The following ALG5 variants were observed in gnomAD, a reference collection of about 807,000 sequenced individuals.
ALG5 encodes the protein ALG5 dolichyl-phosphate beta-glucosyltransferase.
ALG5 carries 26 observed loss-of-function variants against 51.8 expected under a neutral mutation model. That is an observed-to-expected ratio of 0.50 (90% CI 0.37 to 0.70). The LOEUF (loss-of-function observed/expected upper bound fraction) is 0.70. Ranked by LOEUF, ALG5 falls within the 30% of genes least tolerant of loss-of-function variation. ALG5 has a pLI of 0.00. For missense variants in ALG5, 311 were observed against 399.3 expected, an observed-to-expected ratio of 0.78 and a Z score of 1.88; for synonymous variants, 141 against 136.1, an observed-to-expected ratio of 1.04 and a Z score of -0.25.
At chr13:36,979,485 CT>C (rs1309514626) in intron 6 of ALG5, among the ~76,000 whole-genome samples, 5 of 152,168 alleles carry the variant, frequency 3.3e-5, no homozygotes, top group African/African-American at 1.2e-4. Flanking sequence ...CTGTCACATT[CT>C]TTTAAGGAAC....
intron 7 of ALG5, among the ~76,000 whole-genome samples, chr13:36,968,796 C>T (rs904925093): frequency 5.3e-5 from 8 of 152,206 alleles, no homozygotes; most frequent in African/African-American, 1.9e-4. Context: ...AAATGGAAAG[C>T]CATGCTGCAG....
At chr13:36,955,815 T>G (rs1369377824) in intron 8 of ALG5, among the ~76,000 whole-genome samples, 3 of 150,306 alleles carry the variant, frequency 2.0e-5, no homozygotes, top group African/African-American at 4.9e-5. Context: ...GACCCTTATA[T>G]CAAAAAACTA....
At chr13:36,985,058 T>A (rs1265877687) in intron 6 of ALG5, among the ~76,000 whole-genome samples, 4 of 151,804 alleles carry the variant, frequency 2.6e-5, no homozygotes, top group Non-Finnish European at 5.9e-5. Flanking sequence ...CTCTTATTCA[T>A]TTTTTCCAGA....
intron 5 of ALG5, among the ~76,000 whole-genome samples, chr13:36,986,078 C>T (rs914871349): frequency 1.3e-5 from 2 of 152,048 alleles, no homozygotes; most frequent in Non-Finnish European, 2.9e-5. Context: ...ATATGTTTAT[C>T]GTGTCATGAT....
chr13:36,971,305 A>C (rs1221701541), intron 7 of ALG5, among the ~76,000 whole-genome samples: 1 of 152,204 alleles, frequency 6.6e-6, no homozygotes, highest in African/African-American at 2.4e-5. Context: ...AAAGCACTTA[A>C]CTGTGCCAAT....
intron 6 of ALG5, among the ~76,000 whole-genome samples, chr13:36,972,741 G>T (rs537254396): frequency 6.6e-6 from 1 of 152,012 alleles, no homozygotes; most frequent in African/African-American, 2.4e-5. Context: ...GCCTGTAATC[G>T]CAGCACTTTG....
chr13:36,995,073 A>T, intron 2 of ALG5, 38 bp from the exon 3 acceptor site: 1 of 1,568,366 alleles, frequency 6.4e-7, no homozygotes, highest in South Asian at 1.1e-5. Flanking sequence ...ACTTTTGAAA[A>T]TGATTTTCCA....
At chr13:36,960,991 G>C (rs544289339) in intron 8 of ALG5, among the ~76,000 whole-genome samples, 1 of 151,988 alleles carries the variant, frequency 6.6e-6, no homozygotes, top group African/African-American at 2.4e-5. Flanking sequence ...GTGAAGTACA[G>C]CTCTGAAGAT....
At position 36,967,594 on chromosome 13, in the gene ALG5, A is replaced by G. The variant is rs1322223755; in HGVS notation, c.622-1868T>C. The G allele has an allele frequency of 1.0e-5, 3 of 285,904 alleles. No individual in the cohort carries two copies. The East Asian group carries it at 2.4e-4, about 23-fold the overall frequency. 17.7% of individuals were successfully genotyped at this position (285,904 alleles called of 1,614,324 possible). A position where few individuals can be genotyped will look rare whatever the true frequency, so the allele number is the denominator to read the frequency against. On this transcript the variant is annotated intron_variant, in intron 7 of 9. Transcript: ENST00000239891. Reference sequence around the variant, plus strand: ...TACTTATCTATATGGTATGTAAAACAAACTTTTAAAAATGATCTAGCACTT... The same window carrying G: ...TACTTATCTATATGGTATGTAAAACGAACTTTTAAAAATGATCTAGCACTT...
At chr13:36,986,154 A>G (rs2059000937) in intron 5 of ALG5, among the ~76,000 whole-genome samples, 2 of 152,364 alleles carry the variant, frequency 1.3e-5, no homozygotes, top group South Asian at 4.1e-4. Flanking sequence ...CAGATTAAAC[A>G]TTCTAATATA....
intron 8 of ALG5, among the ~76,000 whole-genome samples, chr13:36,957,715 C>G (rs2058846841): frequency 6.6e-6 from 1 of 152,172 alleles, no homozygotes; most frequent in African/African-American, 2.4e-5. Flanking sequence ...ACAGCCACTC[C>G]TAACCAATGA....
At position 36,995,552 on chromosome 13, in the gene ALG5, G is replaced by A; in HGVS notation, c.111C>T (p.Leu37=). The A allele has an allele frequency of 6.2e-7, 1 of 1,606,436 alleles. No individual in the cohort carries two copies. The highest frequency in any genetic ancestry group is 1.7e-5 in the Admixed American group (1 of 57,776). ...AGAATTTCTCTTCTTCATGTCGATG[G>A]AGTGCTGGCATTTTTGTAGCAGTTG... ...AFTTATKMPA[L]HRHEEEKFFL... is the part of the protein sequence containing the mutation. Residue 37 remains leucine, a synonymous_variant, in exon 2 of 10, where the codon CTC becomes CTT. Transcript: ENST00000239891.
intron 7 of ALG5, chr13:36,967,709 T>C: frequency 1.4e-6 from 1 of 694,482 alleles, no homozygotes; most frequent in Non-Finnish European, 2.2e-6. Context: ...CATCTTAAAA[T>C]ACTTTAGGAA....
At chr13:36,965,865 C>T (rs2058890852) in intron 7 of ALG5, 139 bp from the exon 8 acceptor site, 1 of 681,290 alleles carries the variant, frequency 1.5e-6, no homozygotes, top group East Asian at 2.8e-5. Flanking sequence ...GTTCCATGAG[C>T]TTCACCAACA....
At chr13:36,991,754 A>C (rs1182499541) in intron 4 of ALG5, among the ~76,000 whole-genome samples, 1 of 152,178 alleles carries the variant, frequency 6.6e-6, no homozygotes, top group African/African-American at 2.4e-5. Context: ...GGAGAGATGC[A>C]CGCAGAGATG....
chr13:36,959,582 T>A (rs902690613), intron 8 of ALG5, among the ~76,000 whole-genome samples: 1 of 152,022 alleles, frequency 6.6e-6, no homozygotes, highest in Admixed American at 6.6e-5. Context: ...AGAAAAAGCT[T>A]CCAAAAGGGG....
At chr13:36,976,080 A>G (rs115949567) in intron 6 of ALG5, among the ~76,000 whole-genome samples, 3,775 of 152,008 alleles carry the variant, frequency 0.025, 114 homozygotes, top group African/African-American at 0.075. Flanking sequence ...TATCTTTATT[A>G]TTAATAAAAA....
chr13:36,967,579 T>C (rs960803454), intron 7 of ALG5: 7 of 273,958 alleles, frequency 2.6e-5, no homozygotes, highest in Non-Finnish European at 5.1e-5. Context: ...TACTTATCTA[T>C]ATGGTATGTA....
rs1225205028 is a variant in ALG5, at chr13:36,950,528, ACACAAGAACACCAGCCT to A, written c.860-488_860-472del. Among the ~76,000 whole-genome samples the A allele has an allele frequency of 8.5e-5, 13 of 152,368 alleles. No homozygotes were observed. In the East Asian group the frequency reaches 2.5e-3, roughly 29 times the overall value. On this transcript the variant is annotated intron_variant, in intron 9 of 9. Coordinates refer to ENST00000239891, the MANE Select transcript of ALG5 (RefSeq NM_013338.5). ...TGTCCAGACCTCTTTGTCTCGGGCT[ACACAAGAACACCAGCCT>A]AATTAAATATCTGATCCACATATCA...
Sources: allele counts gnomAD v4.1 joint callset (sites outside exome capture counted in the v4.1 genomes callset), GRCh38; gene constraint gnomAD v4.1.1; transcripts MANE v1.5; gene names NCBI Gene and HGNC (gene_info 2026-07-23, HGNC 2026-07-21).